The following SDK1 variants were observed in gnomAD, a reference collection of about 807,000 sequenced individuals.
The protein encoded by SDK1 is sidekick cell adhesion molecule 1, also known as protein sidekick-1.
SDK1 carries 157 observed loss-of-function variants against 245.5 expected under a neutral mutation model. That is an observed-to-expected ratio of 0.64 (90% CI 0.56 to 0.73). The LOEUF is 0.73. SDK1 is among the 30% of genes least tolerant of loss of function. SDK1 has a pLI of 0.00. For synonymous variants in SDK1, 1,647 were observed against 1,278.5 expected, an observed-to-expected ratio of 1.29 and a Z score of -6.15; for missense variants, 3,583 against 3,002.3, an observed-to-expected ratio of 1.19 and a Z score of -4.52.
chr7:3,357,328 GTTTTTTTTTTTTTTTTTTTTTTTT>G (rs560124026), intron 1 of SDK1, among the ~76,000 whole-genome samples: 4 of 52,904 alleles, frequency 7.6e-5, no homozygotes, highest in Admixed American at 2.8e-4. Context: ...TTCTTTTAGT[GTTTTTTTTTTTTTTTTTTTTTTTT>G]TTTTTTTTTT....
At chr7:3,818,959 A>C (rs1031536261) in intron 4 of SDK1, among the ~76,000 whole-genome samples, 5 of 152,228 alleles carry the variant, frequency 3.3e-5, no homozygotes, top group Admixed American at 3.3e-4. Context: ...CGACAAAATC[A>C]GGGCCGCTAA....
At position 3,652,446 on chromosome 7, in the gene SDK1, G is replaced by A. The variant is rs187930192; in HGVS notation, c.713+10341G>A. Reference sequence around the variant, plus strand: ...TGGTGGCATGCGGTGGCCCCTCATGGCCTCACAGCTTCCACTCTAACAGGA... The same window carrying A: ...TGGTGGCATGCGGTGGCCCCTCATGACCTCACAGCTTCCACTCTAACAGGA... On this transcript the variant is annotated intron_variant, in intron 4 of 44. Coordinates refer to ENST00000404826, the MANE Select transcript of SDK1 (RefSeq NM_152744.4). Among the ~76,000 whole-genome samples the A allele has an allele frequency of 6.1e-3, 936 of 152,334 alleles. 13 individuals carry two copies. Among genetic ancestry groups the A allele is most frequent in the Admixed American group, 0.014 (215 of 15,302 alleles).
chr7:3,672,448 A>G (rs914359276), intron 4 of SDK1, among the ~76,000 whole-genome samples: 1 of 151,552 alleles, frequency 6.6e-6, no homozygotes. Flanking sequence ...GGAAAAAAAC[A>G]GAGGCATTAG....
At position 4,041,773 on chromosome 7, in the gene SDK1, T is replaced by A. The variant is rs185701677; in HGVS notation, c.2603-7575T>A. ...ATGCGTGTCGTGAAAACACAGCATA[T>A]ATATAGTGAAAACAGCATGAAATGT... On this transcript the variant is annotated intron_variant, in intron 17 of 44. Transcript: ENST00000404826. 2.2e-5 allele frequency among the ~76,000 whole-genome samples: 3 copies of A among 136,532 alleles called. No individual in the cohort carries two copies. In the East Asian group the frequency reaches 5.9e-4, roughly 27 times the overall value. The allele number at this position is 136,532 out of a possible 152,430, so 89.6% of individuals were successfully genotyped here.
intron 1 of SDK1, among the ~76,000 whole-genome samples, chr7:3,404,465 A>G (rs1779000010): frequency 6.6e-6 from 1 of 152,232 alleles, no homozygotes; most frequent in South Asian, 2.1e-4. Context: ...GAGAATCTGC[A>G]GTATTATTAT....
rs527855984 is a variant in SDK1 at position 3,775,253 on chromosome 7, G to C, written c.714-46197G>C. 2.9e-4 allele frequency among the ~76,000 whole-genome samples: 44 copies of C among 152,144 alleles called. 1 individual carries two copies. The highest frequency in any genetic ancestry group is 1.1e-3 in the African/African-American group (44 of 41,492). ...CCTAATAGTCTTTCTTCACTATTTT[G>C]GCCCTCTTGGTTTCTATTAAGTTGG... On this transcript the variant is annotated intron_variant, in intron 4 of 44. Coordinates refer to ENST00000404826, the MANE Select transcript of SDK1 (RefSeq NM_152744.4).
chr7:3,988,479 C>G (rs1166640573), intron 14 of SDK1, among the ~76,000 whole-genome samples: 2 of 152,116 alleles, frequency 1.3e-5, no homozygotes, highest in African/African-American at 2.4e-5. Flanking sequence ...CCCCTGTCCA[C>G]GTCCTGCAGG....
chr7:3,612,796 C>G (rs1057285241), intron 1 of SDK1, among the ~76,000 whole-genome samples: 5 of 152,162 alleles, frequency 3.3e-5, no homozygotes. Flanking sequence ...CACTGGCATT[C>G]TGGTCCTCCC....
Position 4,145,846 on chromosome 7 carries a change from G to T in SDK1, c.4353G>T (p.Arg1451Ser). Residue 1451 changes from arginine (R) to serine (S), a missense_variant, in exon 29 of 45, where the codon AGG becomes AGT. By Grantham distance (110) the Arg-to-Ser change is moderately radical (BLOSUM62 -1). Transcript: ENST00000404826. Reference sequence around the variant, plus strand: ...CCCCGGAGTCCGCATACATCTTCAGGCTGTCCGCCAAGACGAGGCAGGGCT... The same window carrying T: ...CCCCGGAGTCCGCATACATCTTCAGTCTGTCCGCCAAGACGAGGCAGGGCT... ...DLAPESAYIF[R>S]LSAKTRQGWG... 1 of 1,613,820 alleles carries T rather than the reference G, an allele frequency of 6.2e-7. No homozygotes were observed. The highest frequency in any genetic ancestry group is 1.1e-5 in the South Asian group (1 of 91,052).
At chr7:3,340,088 G>A (rs1281712754) in intron 1 of SDK1, among the ~76,000 whole-genome samples, 1 of 151,956 alleles carries the variant, frequency 6.6e-6, no homozygotes, top group Non-Finnish European at 1.5e-5. Flanking sequence ...ATTTGACAAT[G>A]TAGAGGAAAT....
chr7:4,087,479 G>T lies in SDK1; in HGVS notation c.3324+7895G>T, dbSNP rs73671532. Among the ~76,000 whole-genome samples the T allele has an allele frequency of 8.0e-4, 120 of 150,360 alleles. 2 individuals are homozygous for T. Among genetic ancestry groups the T allele is most frequent in the Admixed American group, 6.7e-3 (101 of 15,086 alleles). On this transcript the variant is annotated intron_variant, in intron 22 of 44. Coordinates refer to ENST00000404826, the MANE Select transcript of SDK1 (RefSeq NM_152744.4). ...TGTGTGTGCACAGACACACACGCGC[G>T]CACACACACACACACACACGCATTG...
intron 5 of SDK1, among the ~76,000 whole-genome samples, chr7:3,941,145 AAGGG>A (rs1780353720): frequency 6.6e-6 from 1 of 152,016 alleles, no homozygotes; most frequent in Non-Finnish European, 1.5e-5. Context: ...GGAGAGAAGC[AAGGG>A]GTCTTAGGTG....
At chr7:4,035,229 T>C (rs1332925258) in intron 17 of SDK1, among the ~76,000 whole-genome samples, 1 of 151,924 alleles carries the variant, frequency 6.6e-6, no homozygotes, top group Non-Finnish European at 1.5e-5. Context: ...AAGCAATCCA[T>C]CCACCTTGGC....
chr7:3,602,000 C>G, intron 1 of SDK1, among the ~76,000 whole-genome samples: 1 of 152,004 alleles, frequency 6.6e-6, no homozygotes, highest in Non-Finnish European at 1.5e-5. Flanking sequence ...CTACAAAGGA[C>G]ATGAACTCAT....
chr7:4,007,201 G>C (rs1316859097), intron 14 of SDK1, among the ~76,000 whole-genome samples: 3 of 152,208 alleles, frequency 2.0e-5, no homozygotes, highest in Non-Finnish European at 4.4e-5. Context: ...AGTTTTAGAA[G>C]GGGAATGTTT....
chr7:3,361,101 A>G (rs1780939560), intron 1 of SDK1, among the ~76,000 whole-genome samples: 1 of 152,208 alleles, frequency 6.6e-6, no homozygotes, highest in African/African-American at 2.4e-5. Flanking sequence ...CATCTTAAAC[A>G]CATACTAAAT....
At position 3,328,893 on chromosome 7, in the gene SDK1, C is replaced by G. The variant is rs187665241; in HGVS notation, c.298+27009C>G. On this transcript the variant is annotated intron_variant, in intron 1 of 44. Transcript: ENST00000404826. ...GTAGAAGTGATCATGCAGTGAACAA[C>G]TTTGTGCAGTTTGACATATTTTTCT... Among the ~76,000 whole-genome samples, 631 of 152,112 alleles carry G rather than the reference C, an allele frequency of 4.1e-3. 7 individuals carry two copies. The highest frequency in any genetic ancestry group is 0.018 in the South Asian group (85 of 4,826).
intron 4 of SDK1, among the ~76,000 whole-genome samples, chr7:3,671,439 T>C (rs1783697929): frequency 6.6e-6 from 1 of 152,236 alleles, no homozygotes; most frequent in Non-Finnish European, 1.5e-5. Context: ...AAATACTTTG[T>C]TGCTCATTGA....
At chr7:4,082,854 C>A (rs964460372) in intron 22 of SDK1, among the ~76,000 whole-genome samples, 7 of 152,096 alleles carry the variant, frequency 4.6e-5, no homozygotes, top group East Asian at 1.9e-4. Flanking sequence ...CTCCTGAGTT[C>A]AAGCGATCTG....
Sources: gnomAD v4.1 joint callset for allele counts (sites outside exome capture counted in the v4.1 genomes callset) on GRCh38, gnomAD v4.1.1 for gene constraint, MANE v1.5 for transcripts, NCBI Gene and HGNC (gene_info 2026-07-23, HGNC 2026-07-21) for gene names.